The following LAMA2 variants were observed in gnomAD, a reference collection of about 807,000 sequenced individuals.
The protein encoded by LAMA2 is laminin subunit alpha-2.
A neutral mutation model predicts 364.8 loss-of-function variants in LAMA2; 269 were observed. The ratio of observed to expected loss-of-function variants is 0.74; its 90% CI spans 0.67 to 0.82. LAMA2 has a LOEUF of 0.82. Ranked by LOEUF, LAMA2 falls within the 40% of genes least tolerant of loss-of-function variation. LAMA2 has a pLI of 0.00. For missense variants in LAMA2, 3,807 were observed against 3,873.2 expected, an observed-to-expected ratio of 0.98 and a Z score of 0.45; for synonymous variants, 1,379 against 1,370.6, an observed-to-expected ratio of 1.01 and a Z score of -0.14.
intron 2 of LAMA2, among the ~76,000 whole-genome samples, chr6:129,050,344 A>G (rs1313996361): frequency 6.6e-6 from 1 of 152,220 alleles, no homozygotes; most frequent in Non-Finnish European, 1.5e-5. Context: ...TACTAACTCC[A>G]GATACCAAAG....
intron 35 of LAMA2, among the ~76,000 whole-genome samples, chr6:129,383,629 C>T (rs1006851898): frequency 5.3e-5 from 8 of 152,148 alleles, no homozygotes; most frequent in African/African-American, 1.9e-4. Context: ...CTCCAAATGG[C>T]TTTTCAAATA....
At chr6:129,441,144 G>T in intron 43 of LAMA2, 146 bp downstream of exon 43, 5 of 752,766 alleles carry the variant, frequency 6.6e-6, no homozygotes, top group Non-Finnish European at 9.2e-6. Flanking sequence ...CAGAAATTGA[G>T]TGTCATGCAG....
chr6:129,128,254 T>A (rs1777235177), intron 4 of LAMA2, among the ~76,000 whole-genome samples: 5 of 152,242 alleles, frequency 3.3e-5, no homozygotes, highest in Admixed American at 3.3e-4. Flanking sequence ...TTGAACAGAC[T>A]ATCCTTTTCT....
At chr6:129,469,694 AT>A (rs139303397) in intron 51 of LAMA2, among the ~76,000 whole-genome samples, 4,909 of 151,972 alleles carry the variant, frequency 0.032, 263 homozygotes, top group African/African-American at 0.11. Flanking sequence ...AACAAATCAC[AT>A]ATCCATCGAC....
rs1452463869 is a variant in LAMA2 at position 129,315,862 on chromosome 6, G to T, written c.3836G>T (p.Gly1279Val). 1.2e-6 allele frequency: 2 copies of T among 1,613,858 alleles called. No individual in the cohort carries two copies. The highest frequency in any genetic ancestry group is 2.2e-5 in the South Asian group (2 of 91,080). The change falls in exon 26 of 65, where the codon GGG becomes GTG. Residue 1279 changes from glycine (G) to valine (V), a missense_variant. Physicochemically the swap from Gly to Val is moderately radical, Grantham distance 109. This residue lies in a region of LAMA2 where 3,333 missense variants were observed against 3,345.7 expected (regional missense o/e 1.00). Coordinates refer to ENST00000421865, the MANE Select transcript of LAMA2 (RefSeq NM_000426.4). ...AATCCTCAAGTGATCATTCGAGGTG[G>T]GACACCTACTCATGCTAGAATTATC... ...TYNPQVIIRG[G>V]TPTHARIIVR...
At chr6:129,139,463 T>A (rs1777989708) in intron 4 of LAMA2, among the ~76,000 whole-genome samples, 1 of 152,162 alleles carries the variant, frequency 6.6e-6, no homozygotes, top group Non-Finnish European at 1.5e-5. Flanking sequence ...ATTGGGTATT[T>A]AAAGTAATGT....
intron 4 of LAMA2, among the ~76,000 whole-genome samples, chr6:129,142,851 TA>T (rs1182380476): frequency 6.6e-6 from 1 of 152,056 alleles, no homozygotes; most frequent in African/African-American, 2.4e-5. Context: ...TTTATCCTAT[TA>T]TGAGGGAGGA....
At chr6:128,940,720 G>A (rs1038268862) in intron 1 of LAMA2, among the ~76,000 whole-genome samples, 2 of 152,246 alleles carry the variant, frequency 1.3e-5, no homozygotes, top group East Asian at 3.9e-4. Flanking sequence ...TAGAGACCAG[G>A]GTGAGAGAAT....
chr6:129,370,804 C>T (rs1441983394), intron 34 of LAMA2, among the ~76,000 whole-genome samples: 1 of 152,222 alleles, frequency 6.6e-6, no homozygotes, highest in Non-Finnish European at 1.5e-5. Flanking sequence ...TTGCTAAACT[C>T]AGGGACTTAA....
At position 129,308,268 on chromosome 6, in the gene LAMA2, A is replaced by T. The variant is rs76326840; in HGVS notation, c.3175-4593A>T. 1.9e-3 allele frequency among the ~76,000 whole-genome samples: 264 copies of T among 141,542 alleles called. 3 individuals carry two copies. The East Asian group carries it at 0.046, about 24-fold the overall frequency. The allele number at this position is 141,542 out of a possible 152,430, so 92.9% of individuals were successfully genotyped here. A position where few individuals can be genotyped will look rare whatever the true frequency, so the allele number is the denominator to read the frequency against. On this transcript the variant is annotated intron_variant, in intron 22 of 64. Coordinates refer to ENST00000421865, the MANE Select transcript of LAMA2 (RefSeq NM_000426.4). ...TCTTATGAATATGAACAATGCTATA[A>T]GTGTCTATGACTGACTTTTGCATTT... is the stretch of plus-strand genomic sequence containing the variant.
intron 60 of LAMA2, 85 bp from the exon 61 acceptor site, chr6:129,505,115 A>T: frequency 1.7e-6 from 2 of 1,208,856 alleles, no homozygotes; most frequent in Non-Finnish European, 2.5e-6. Context: ...TTTCTTGGTA[A>T]CATCGTTAGA....
At chr6:128,995,813 A>G (rs1036859583) in intron 1 of LAMA2, among the ~76,000 whole-genome samples, 1 of 152,240 alleles carries the variant, frequency 6.6e-6, no homozygotes. Context: ...GTAAAACAAA[A>G]TAAGGACATA....
chr6:129,385,795 A>G (rs1778983092), intron 35 of LAMA2, among the ~76,000 whole-genome samples: 2 of 152,156 alleles, frequency 1.3e-5, no homozygotes, highest in African/African-American at 4.8e-5. Flanking sequence ...AATGATAGAC[A>G]CCTTTCCTTC....
intron 34 of LAMA2, among the ~76,000 whole-genome samples, chr6:129,374,183 A>G (rs1474010595): frequency 3.3e-5 from 5 of 152,222 alleles, no homozygotes; most frequent in Non-Finnish European, 7.3e-5. Flanking sequence ...CTGCATGACA[A>G]TCAAAAGGTG....
intron 4 of LAMA2, among the ~76,000 whole-genome samples, chr6:129,109,263 AC>A: frequency 6.6e-6 from 1 of 152,196 alleles, no homozygotes; most frequent in African/African-American, 2.4e-5. Context: ...TCAATGCATT[AC>A]TTTTATAAGT....
chr6:129,190,423 A>G, intron 11 of LAMA2, 78 bp downstream of exon 11: 1 of 1,420,954 alleles, frequency 7.0e-7, no homozygotes, highest in Non-Finnish European at 9.9e-7. Context: ...TTTTGTATGA[A>G]CAGTTTCTGA....
intron 12 of LAMA2, among the ~76,000 whole-genome samples, chr6:129,219,764 G>T (rs1302550862): frequency 1.6e-5 from 2 of 127,598 alleles, no homozygotes; most frequent in Admixed American, 8.4e-5. Context: ...ACTCATAGGT[G>T]GGAATTGAAC....
At chr6:129,416,105 C>A (rs1013769077) in intron 40 of LAMA2, among the ~76,000 whole-genome samples, 1 of 97,274 alleles carries the variant, frequency 1.0e-5, no homozygotes, top group Admixed American at 9.6e-5. Flanking sequence ...CCCGCCACTA[C>A]GCCCGGCTAA....
At chr6:129,204,937 C>T (rs1193624140) in intron 12 of LAMA2, among the ~76,000 whole-genome samples, 1 of 152,190 alleles carries the variant, frequency 6.6e-6, no homozygotes, top group South Asian at 2.1e-4. Context: ...GTACTCAACC[C>T]GACTCATAGT....
Sources: allele counts gnomAD v4.1 joint callset (sites outside exome capture counted in the v4.1 genomes callset), GRCh38; gene constraint gnomAD v4.1.1; regional missense constraint gnomAD v4.1.1; transcripts MANE v1.5; gene names NCBI Gene and HGNC (gene_info 2026-07-23, HGNC 2026-07-21).